PHF21A: variants seen among roughly 807,000 people sequenced by gnomAD.
The protein encoded by PHF21A is PHD finger protein 21A.
A neutral mutation model predicts 82.5 loss-of-function variants in PHF21A; 11 were observed. The ratio of observed to expected loss-of-function variants is 0.13; its 90% confidence interval spans 0.08 to 0.22. The LOEUF is 0.22. Among genes scored for constraint, PHF21A ranks in the 10% least tolerant of loss-of-function variants. The probability of loss-of-function intolerance (pLI) is 1.00; values close to 1 mark genes in which losing one functional copy is unlikely to be tolerated. For missense variants in PHF21A, 579 were observed against 837.8 expected (o/e 0.69, Z 3.81); for synonymous variants, 297 against 302.8 (o/e 0.98, Z 0.20).
At chr11:46,069,783 C>T (rs1484930726) in intron 6 of PHF21A, among the ~76,000 whole-genome samples, 1 of 152,144 alleles carries the variant, frequency 6.6e-6, no homozygotes, top group East Asian at 1.9e-4. Flanking sequence ...CAATGATGCA[C>T]TTGTGATTGA....
chr11:46,067,569 AAAT>A (rs1445533222), intron 6 of PHF21A, among the ~76,000 whole-genome samples: 16 of 148,048 alleles, frequency 1.1e-4, no homozygotes, highest in African/African-American at 3.5e-4. Context: ...CTGAAGTAGG[AAAT>A]AATAATAAGA....
chr11:45,995,937 A>T (rs1025072402), intron 6 of PHF21A, among the ~76,000 whole-genome samples: 2 of 152,124 alleles, frequency 1.3e-5, no homozygotes, highest in Non-Finnish European at 2.9e-5. Context: ...CTTTTTTTAA[A>T]AAAATAATTT....
chr11:46,030,843 G>A (rs1355085164), intron 6 of PHF21A, among the ~76,000 whole-genome samples: 5 of 121,100 alleles, frequency 4.1e-5, no homozygotes, highest in Non-Finnish European at 8.1e-5. Flanking sequence ...GTGTGTGTGT[G>A]TGTGTGTGTG....
chr11:45,935,216 G>C, intron 18 of PHF21A: 1 of 1,292,730 alleles, frequency 7.7e-7, no homozygotes, highest in Non-Finnish European at 1.0e-6. Context: ...GCGAGGGAGG[G>C]CCGTACGGAT....
intron 6 of PHF21A, among the ~76,000 whole-genome samples, chr11:46,012,977 T>C (rs890967308): frequency 1.3e-5 from 2 of 152,188 alleles, no homozygotes; most frequent in Non-Finnish European, 1.5e-5. Flanking sequence ...CCCTTATCCT[T>C]GGGGAGTATG....
At chr11:45,938,080 C>T in intron 16 of PHF21A, 77 bp downstream of exon 16, 1 of 1,286,032 alleles carries the variant, frequency 7.8e-7, no homozygotes, top group South Asian at 1.6e-5. Flanking sequence ...CTGCCATTTC[C>T]CCGGGAAAGG....
At chr11:46,113,220 G>A (rs1204252591) in intron 1 of PHF21A, among the ~76,000 whole-genome samples, 3 of 152,168 alleles carry the variant, frequency 2.0e-5, no homozygotes, top group African/African-American at 4.8e-5. Flanking sequence ...AGTAAACCAC[G>A]TTATCACAGC....
At chr11:46,091,209 G>A (rs1041023123) in intron 2 of PHF21A, among the ~76,000 whole-genome samples, 26 of 152,092 alleles carry the variant, frequency 1.7e-4, no homozygotes, top group Admixed American at 3.9e-4. Flanking sequence ...CACCCACCAA[G>A]TTAATTACTA....
In PHF21A at chr11:45,935,664, T is replaced by C; in HGVS notation, c.1760A>G (p.Lys587Arg). Residue 587 changes from lysine to arginine, a missense_variant, in exon 18 of 19, where the codon AAG becomes AGG. Lys to Arg is a conservative substitution (Grantham distance 26). This residue lies in a region of PHF21A where 157 missense variants were observed against 149.4 expected (regional missense o/e 1.05). Coordinates refer to ENST00000676320, the MANE Select transcript of PHF21A (RefSeq NM_001352027.3). The stretch of plus-strand genomic sequence containing the variant: ...TATGGAATTGCTGAGCTGTTTCACC[T>C]TTTGCTCTAGTTGTTCTCGTTCTTG... ...LKQEREQLEQKVKQLSNSISK... is the reference protein window; with the variant it reads ...LKQEREQLEQRVKQLSNSISK... 3 of 1,541,646 alleles carry C rather than the reference T, an allele frequency of 1.9e-6. No homozygotes were observed. The highest frequency in any genetic ancestry group is 2.7e-6 in the Non-Finnish European group (3 of 1,115,556).
chr11:45,970,130 T>G, intron 8 of PHF21A: 1 of 469,240 alleles, frequency 2.1e-6, no homozygotes, highest in Non-Finnish European at 3.8e-6. Flanking sequence ...CTCCTACACC[T>G]AATGGAGAAC....
intron 1 of PHF21A, among the ~76,000 whole-genome samples, chr11:46,096,087 G>A (rs1290116135): frequency 6.6e-6 from 1 of 152,056 alleles, no homozygotes; most frequent in East Asian, 1.9e-4. Flanking sequence ...CAGATAAGTG[G>A]TTAGAAGAAA....
At chr11:45,965,264 T>C (rs375906197) in intron 10 of PHF21A, 51 bp downstream of exon 10, 13 of 1,514,054 alleles carry the variant, frequency 8.6e-6, no homozygotes, top group African/African-American at 2.7e-5. Flanking sequence ...AGCAGCCATA[T>C]GCCTCAACGA....
chr11:46,056,690 T>C (rs191858932), intron 6 of PHF21A, among the ~76,000 whole-genome samples: 226 of 152,264 alleles, frequency 1.5e-3, no homozygotes, highest in Non-Finnish European at 2.6e-3. Flanking sequence ...TCCCAATCAA[T>C]GAATCAGGAT....
chr11:46,084,043 G>A (rs1306956732), intron 4 of PHF21A, 123 bp downstream of exon 4: 18 of 650,392 alleles, frequency 2.8e-5, no homozygotes, highest in Non-Finnish European at 4.9e-6. Context: ...CAAACGACAT[G>A]ACTCTTGGAC....
intron 7 of PHF21A, among the ~76,000 whole-genome samples, chr11:45,974,753 A>G (rs1466461266): frequency 2.0e-5 from 3 of 152,014 alleles, no homozygotes; most frequent in Admixed American, 6.5e-5. Context: ...ACACCCAACC[A>G]AGAGATTTAT....
intron 6 of PHF21A, among the ~76,000 whole-genome samples, chr11:46,054,156 G>A (rs2096413600): frequency 6.6e-6 from 1 of 152,086 alleles, no homozygotes; most frequent in African/African-American, 2.4e-5. Flanking sequence ...ACTAGTAAAA[G>A]TTGTATTCCT....
chr11:45,952,974 T>C (rs938332804), intron 11 of PHF21A, among the ~76,000 whole-genome samples: 1 of 152,256 alleles, frequency 6.6e-6, no homozygotes, highest in Non-Finnish European at 1.5e-5. Context: ...TATAATTCTA[T>C]CCTAAATTAT....
At chr11:45,970,111 TTC>T in intron 8 of PHF21A, 1 of 519,958 alleles carries the variant, frequency 1.9e-6, no homozygotes, top group Non-Finnish European at 3.4e-6. Context: ...CCAACCACAC[TTC>T]TGTTTCCTCC....
chr11:45,948,390 G>C (rs1257603941), intron 14 of PHF21A, among the ~76,000 whole-genome samples: 2 of 152,152 alleles, frequency 1.3e-5, no homozygotes, highest in African/African-American at 4.8e-5. Context: ...AGTTGGAGAT[G>C]CCCTCTTCTC....
Sources: gnomAD v4.1 joint callset for allele counts (sites outside exome capture counted in the v4.1 genomes callset) on GRCh38, gnomAD v4.1.1 for gene constraint, gnomAD v4.1.1 regional missense constraint, MANE v1.5 for transcripts, NCBI Gene and HGNC (gene_info 2026-07-23, HGNC 2026-07-21) for gene names.